Variants in SRGAP2B observed in about 807,000 individuals in gnomAD.
The protein encoded by SRGAP2B is SLIT-ROBO Rho GTPase-activating protein 2B.
A neutral mutation model predicts 22.2 loss-of-function variants in SRGAP2B; 9 were observed. That is an observed-to-expected ratio of 0.41 (90% CI 0.24 to 0.71). The LOEUF is 0.71. SRGAP2B is among the 30% of genes least tolerant of loss of function. SRGAP2B has a pLI of 0.35. For synonymous variants in SRGAP2B, 36 were observed against 87.4 expected, an observed-to-expected ratio of 0.41 and a Z score of 3.28; for missense variants, 114 against 235.8, an observed-to-expected ratio of 0.48 and a Z score of 3.38.
intron 2 of SRGAP2B, among the ~76,000 whole-genome samples, chr1:145,058,051 C>T (rs1288327484): frequency 6.8e-6 from 1 of 147,468 alleles, no homozygotes; most frequent in African/African-American, 2.6e-5. Flanking sequence ...ACATAAATGG[C>T]AAAGTGCAAA....
chr1:144,931,708 C>T (rs1482658264), intron 4 of SRGAP2B, among the ~76,000 whole-genome samples: 10 of 149,168 alleles, frequency 6.7e-5, no homozygotes, highest in African/African-American at 2.5e-4. Context: ...AAGCATGTCT[C>T]ACCACGCACC....
chr1:144,950,845 T>C (rs1666800765), intron 4 of SRGAP2B, among the ~76,000 whole-genome samples: 1 of 150,680 alleles, frequency 6.6e-6, no homozygotes, highest in South Asian at 2.1e-4. Context: ...TCTTAATCTC[T>C]CTCTCTCTCT....
rs184695456 is a variant in SRGAP2B at position 144,979,936 on chromosome 1, C to A, written c.260+15072G>T. On this transcript the variant is annotated intron_variant, in intron 3 of 9. Coordinates refer to ENST00000612199, the Ensembl canonical transcript of SRGAP2B. ...TTATTTACAGCATCACAAAAAATGGCCTAATACACTGTGTATTTGTATGCA... is the reference window on the plus strand; with the variant it reads ...TTATTTACAGCATCACAAAAAATGGACTAATACACTGTGTATTTGTATGCA... 2.3e-4 allele frequency among the ~76,000 whole-genome samples: 34 copies of A among 150,958 alleles called. 1 individual carries two copies. Among genetic ancestry groups the A allele is most frequent in the Admixed American group, 2.1e-3 (32 of 15,196 alleles).
intron 2 of SRGAP2B, among the ~76,000 whole-genome samples, chr1:145,056,250 G>GT (rs1650398095): frequency 1.2e-5 from 1 of 82,626 alleles, no homozygotes; most frequent in Admixed American, 1.5e-4. Flanking sequence ...GGCAGAAACT[G>GT]TATTTCTTTG....
chr1:144,902,590 C>T (rs1662710047), intron 7 of SRGAP2B, among the ~76,000 whole-genome samples: 1 of 125,702 alleles, frequency 8.0e-6, no homozygotes, highest in Non-Finnish European at 1.7e-5. Context: ...GAAAACCCGT[C>T]TCTACTAAAA....
chr1:145,076,488 T>C (rs1553634050), intron 2 of SRGAP2B, among the ~76,000 whole-genome samples: 2 of 150,384 alleles, frequency 1.3e-5, no homozygotes, highest in African/African-American at 5.0e-5. Flanking sequence ...GGATACACTA[T>C]TGATATGCAC....
At chr1:144,972,098 T>C (rs1668571153) in intron 3 of SRGAP2B, among the ~76,000 whole-genome samples, 1 of 148,102 alleles carries the variant, frequency 6.8e-6, no homozygotes, top group Non-Finnish European at 1.5e-5. Context: ...CCTGAAAGCA[T>C]GTTGACACAC....
intron 3 of SRGAP2B, among the ~76,000 whole-genome samples, chr1:144,966,655 T>G (rs1553612308): frequency 6.8e-6 from 1 of 146,494 alleles, no homozygotes; most frequent in East Asian, 1.9e-4. Flanking sequence ...TAACCTTAAA[T>G]GTAAATGGGC....
At chr1:144,914,134 C>T (rs1278613797) in intron 5 of SRGAP2B, among the ~76,000 whole-genome samples, 2 of 151,736 alleles carry the variant, frequency 1.3e-5, no homozygotes, top group Non-Finnish European at 2.9e-5. Flanking sequence ...CCGCAGCCTG[C>T]CTCGTCACTG....
In SRGAP2B at chr1:144,991,178, AC is replaced by A. The variant is rs1670186681; in HGVS notation, c.260+3829del. On this transcript the variant is annotated intron_variant, in intron 3 of 9. Transcript: ENST00000612199. ...AGGGATTGTAAATACACCAATCAGC[AC>A]CCTGTGTTTAGCTCAAGGTTTGTGA... Among the ~76,000 whole-genome samples the A allele has an allele frequency of 6.0e-5, 9 of 150,772 alleles. No homozygotes were observed. The South Asian group carries it at 1.9e-3, about 31-fold the overall frequency.
At position 145,080,888 on chromosome 1, in the gene SRGAP2B, AC is replaced by A. The variant is rs587742834; in HGVS notation, c.67+11946del. Among the ~76,000 whole-genome samples, 106 of 149,596 alleles carry A rather than the reference AC, an allele frequency of 7.1e-4. 5 individuals are homozygous for A. The highest frequency in any genetic ancestry group is 1.2e-3 in the Non-Finnish European group (78 of 67,708). On this transcript the variant is annotated intron_variant, in intron 2 of 9. Coordinates refer to ENST00000612199, the Ensembl canonical transcript of SRGAP2B. ...ACGTATTAATAAGCAAAAATAATGA[AC>A]CCTGAAAGCTGGAAGGACCTTAGAA...
Position 144,994,699 on chromosome 1 carries a change from C to T in SRGAP2B, c.260+309G>A, listed in dbSNP as rs1208230501. Among the ~76,000 whole-genome samples, 4 of 148,000 alleles carry T rather than the reference C, an allele frequency of 2.7e-5. No homozygotes were observed. The East Asian group carries it at 7.9e-4, about 29-fold the overall frequency. On this transcript the variant is annotated intron_variant, in intron 3 of 9. Coordinates refer to ENST00000612199, the Ensembl canonical transcript of SRGAP2B. ...TATAAATTGGGGATAATAACAATAA[C>T]CATCATATGGAGTTGTTGGGATTAA...
intron 4 of SRGAP2B, among the ~76,000 whole-genome samples, chr1:144,925,747 G>C (rs1664655257): frequency 7.3e-6 from 1 of 136,082 alleles, no homozygotes; most frequent in Non-Finnish European, 1.6e-5. Context: ...AAGAAAGAAA[G>C]AAAGAAAGAA....
intron 4 of SRGAP2B, among the ~76,000 whole-genome samples, chr1:144,954,932 G>A (rs1282205463): frequency 6.7e-6 from 1 of 150,302 alleles, no homozygotes; most frequent in African/African-American, 2.5e-5. Context: ...AAACGTATAT[G>A]AGTTTGCTAA....
chr1:145,039,544 C>A, intron 2 of SRGAP2B, among the ~76,000 whole-genome samples: 1 of 130,262 alleles, frequency 7.7e-6, no homozygotes, highest in African/African-American at 2.8e-5. Context: ...ACAAATGTTC[C>A]AACCTTAGCA....
intron 2 of SRGAP2B, among the ~76,000 whole-genome samples, chr1:144,998,746 C>T (rs1201312458): frequency 6.6e-6 from 1 of 151,134 alleles, no homozygotes; most frequent in African/African-American, 2.5e-5. Context: ...ATTCTAACTA[C>T]TCTCACTCTT....
intron 2 of SRGAP2B, among the ~76,000 whole-genome samples, chr1:145,023,118 G>A (rs1246574799): frequency 6.8e-6 from 1 of 146,582 alleles, no homozygotes; most frequent in Non-Finnish European, 1.5e-5. Flanking sequence ...AGTGAGCAGA[G>A]ATCGCGCCAC....
At chr1:145,067,388 C>T (rs1369728964) in intron 2 of SRGAP2B, among the ~76,000 whole-genome samples, 2 of 145,874 alleles carry the variant, frequency 1.4e-5, no homozygotes, top group African/African-American at 5.3e-5. Context: ...GTGCTTCAAC[C>T]TTTTGATTTT....
chr1:144,995,287 T>A, intron 2 of SRGAP2B, 87 bp from the exon 3 acceptor site: 2 of 430,110 alleles, frequency 4.6e-6, no homozygotes, highest in South Asian at 7.4e-5. Flanking sequence ...TTCCACTTAC[T>A]TATTCCCCGT....
Sources: allele counts gnomAD v4.1 joint callset (sites outside exome capture counted in the v4.1 genomes callset), GRCh38; gene constraint gnomAD v4.1.1; transcripts MANE v1.5; gene names NCBI Gene and HGNC (gene_info 2026-07-23, HGNC 2026-07-21).